Variants in ALK observed in about 807,000 individuals in gnomAD.
ALK encodes the protein ALK receptor tyrosine kinase, also known as ALK tyrosine kinase receptor.
Under a neutral mutation model 163.1 loss-of-function variants are expected in ALK, and 74 were observed. The observed-to-expected ratio is 0.45, with a 90% CI of 0.38 to 0.55. ALK has a LOEUF of 0.55. ALK is among the 20% of genes least tolerant of loss of function. The pLI is 0.00. For synonymous variants in ALK, 960 were observed against 843.2 expected (o/e 1.14, Z -2.40); for missense variants, 2,063 against 2,105.3 (o/e 0.98, Z 0.39).
chr2:29,340,411 AG>A (rs534611722), intron 5 of ALK, among the ~76,000 whole-genome samples: 7 of 152,162 alleles, frequency 4.6e-5, no homozygotes, highest in Non-Finnish European at 1.0e-4. Flanking sequence ...GATCATGGGT[AG>A]TGGCCCCTTG....
At chr2:29,402,232 G>C (rs770174829) in intron 4 of ALK, among the ~76,000 whole-genome samples, 1 of 152,244 alleles carries the variant, frequency 6.6e-6, no homozygotes. Context: ...TGTGTGGGGG[G>C]CCAGGGGCTG....
intron 8 of ALK, among the ~76,000 whole-genome samples, chr2:29,298,607 A>G (rs1275103529): frequency 1.3e-5 from 2 of 152,062 alleles, no homozygotes; most frequent in Non-Finnish European, 2.9e-5. Context: ...CACATAGTAC[A>G]ATGGGTGTTT....
chr2:29,308,741 T>C (rs1666603414), intron 8 of ALK, among the ~76,000 whole-genome samples: 1 of 152,222 alleles, frequency 6.6e-6, no homozygotes. Flanking sequence ...AATAAGATTA[T>C]ATGAGACCAG....
At chr2:29,705,206 A>C (rs1042702770) in intron 2 of ALK, among the ~76,000 whole-genome samples, 16 of 142,520 alleles carry the variant, frequency 1.1e-4, no homozygotes. Context: ...TGACAGAGTG[A>C]GACTCCATCT....
chr2:29,460,839 C>T (rs1167064456), intron 4 of ALK, among the ~76,000 whole-genome samples: 1 of 152,000 alleles, frequency 6.6e-6, no homozygotes, highest in Non-Finnish European at 1.5e-5. Flanking sequence ...AACTTTAAAT[C>T]AAAAGTTGGA....
chr2:29,577,797 G>A (rs888425578), intron 3 of ALK, among the ~76,000 whole-genome samples: 7 of 152,210 alleles, frequency 4.6e-5, no homozygotes, highest in African/African-American at 1.7e-4. Flanking sequence ...GCTGACAGTT[G>A]ATGAATCTTT....
intron 11 of ALK, among the ~76,000 whole-genome samples, chr2:29,263,832 T>C (rs1665147353): frequency 6.6e-6 from 1 of 152,236 alleles, no homozygotes. Context: ...TAGTCACTTC[T>C]AGGGCCACTG....
intron 3 of ALK, among the ~76,000 whole-genome samples, chr2:29,669,280 A>T (rs1677611594): frequency 6.6e-6 from 1 of 151,986 alleles, no homozygotes; most frequent in African/African-American, 2.4e-5. Context: ...GGGAGCTCTG[A>T]TATTAGGTAC....
At chr2:29,431,624 A>G (rs1000480444) in intron 4 of ALK, among the ~76,000 whole-genome samples, 48 of 152,184 alleles carry the variant, frequency 3.2e-4, no homozygotes, top group Non-Finnish European at 5.3e-4. Context: ...TTGCCACTGC[A>G]AGCAAGAACT....
At chr2:29,533,358 G>T (rs1048718730) in intron 3 of ALK, among the ~76,000 whole-genome samples, 1 of 152,218 alleles carries the variant, frequency 6.6e-6, no homozygotes, top group African/African-American at 2.4e-5. Context: ...GAATTGGGAA[G>T]ATCATCTAAT....
chr2:29,562,077 TC>T (rs1286521716), intron 3 of ALK, among the ~76,000 whole-genome samples: 2 of 152,252 alleles, frequency 1.3e-5, no homozygotes, highest in African/African-American at 4.8e-5. Flanking sequence ...TTATAACCAA[TC>T]CCCTTCCCAA....
chr2:29,840,523 C>T (rs562501768), intron 1 of ALK, among the ~76,000 whole-genome samples: 14 of 152,260 alleles, frequency 9.2e-5, no homozygotes, highest in Non-Finnish European at 1.5e-4. Flanking sequence ...TTCTTGAATT[C>T]CTTTCTGTTC....
chr2:29,865,384 G>C (rs1031145938), intron 1 of ALK, among the ~76,000 whole-genome samples: 3 of 152,200 alleles, frequency 2.0e-5, no homozygotes, highest in African/African-American at 7.2e-5. Flanking sequence ...GCCTGAGCCT[G>C]AGGAGCCCTC....
chr2:29,443,138 C>T (rs183687196), intron 4 of ALK, among the ~76,000 whole-genome samples: 5 of 152,344 alleles, frequency 3.3e-5, no homozygotes, highest in African/African-American at 1.2e-4. Flanking sequence ...GCTTCTTGCA[C>T]TTCTCCTCTT....
At chr2:29,621,852 C>T (rs1456807475) in intron 3 of ALK, among the ~76,000 whole-genome samples, 3 of 152,092 alleles carry the variant, frequency 2.0e-5, no homozygotes, top group African/African-American at 7.2e-5. Flanking sequence ...CCATCCTTTT[C>T]CAGGGTGTTG....
intron 4 of ALK, among the ~76,000 whole-genome samples, chr2:29,468,097 C>T (rs1671257428): frequency 6.6e-6 from 1 of 151,662 alleles, no homozygotes; most frequent in Non-Finnish European, 1.5e-5. Flanking sequence ...GGCACGATCT[C>T]AGCTCACTGC....
chr2:29,861,506 T>C (rs1469726389), intron 1 of ALK, among the ~76,000 whole-genome samples: 4 of 152,126 alleles, frequency 2.6e-5, no homozygotes. Context: ...TCAACAATCA[T>C]ACAGCAACAA....
chr2:29,639,735 A>G (rs1022329672), intron 3 of ALK, among the ~76,000 whole-genome samples: 1 of 152,166 alleles, frequency 6.6e-6, no homozygotes, highest in Non-Finnish European at 1.5e-5. Flanking sequence ...TAAGGCAAAC[A>G]CTCAGCAGTT....
chr2:29,901,717 C>T (rs1404949734), intron 1 of ALK, among the ~76,000 whole-genome samples: 1 of 152,204 alleles, frequency 6.6e-6, no homozygotes, highest in African/African-American at 2.4e-5. Flanking sequence ...TTGTTGCTTT[C>T]CTCTAAAGAA....
Sources: allele counts gnomAD v4.1 joint callset (sites outside exome capture counted in the v4.1 genomes callset), GRCh38; gene constraint gnomAD v4.1.1; transcripts MANE v1.5; gene names NCBI Gene and HGNC (gene_info 2026-07-23, HGNC 2026-07-21).